The following CNTN1 variants were observed in gnomAD, a reference collection of about 807,000 sequenced individuals.
CNTN1 encodes contactin 1, also known as contactin-1.
Under a neutral mutation model 126.4 loss-of-function variants are expected in CNTN1, and 38 were observed. The ratio of observed to expected loss-of-function variants is 0.30; its 90% CI spans 0.23 to 0.39. The LOEUF is 0.39. Ranked by LOEUF, CNTN1 falls within the 10% of genes least tolerant of loss-of-function variation. The pLI, the probability that CNTN1 is intolerant of heterozygous loss-of-function variation, is 1.00. For synonymous variants in CNTN1, 413 were observed against 422.6 expected, an observed-to-expected ratio of 0.98 and a Z score of 0.28; for missense variants, 1,009 against 1,248.4, an observed-to-expected ratio of 0.81 and a Z score of 2.89.
chr12:40,810,358 T>C (rs73116753), intron 1 of CNTN1, among the ~76,000 whole-genome samples: 3,464 of 152,298 alleles, frequency 0.023, 127 homozygotes, highest in African/African-American at 0.078. Flanking sequence ...ATAGCCATCA[T>C]CTCACATAGC....
chr12:40,771,136 GAATATTCT>G (rs1369390877), intron 1 of CNTN1, among the ~76,000 whole-genome samples: 1 of 151,994 alleles, frequency 6.6e-6, no homozygotes, highest in East Asian at 1.9e-4. Flanking sequence ...GAAACTTTTA[GAATATTCT>G]AATAAGAAAT....
chr12:40,735,967 G>A (rs1222480318), intron 1 of CNTN1, among the ~76,000 whole-genome samples: 2 of 152,024 alleles, frequency 1.3e-5, no homozygotes, highest in African/African-American at 4.8e-5. Flanking sequence ...CATCTTTGCT[G>A]GAAGAGACAT....
intron 1 of CNTN1, among the ~76,000 whole-genome samples, chr12:40,904,250 C>T (rs1479754494): frequency 6.6e-6 from 1 of 152,038 alleles, no homozygotes; most frequent in African/African-American, 2.4e-5. Context: ...AATCTCCTGA[C>T]CTCGTGATCC....
rs1221515339 is a variant in CNTN1 at position 40,918,740 on chromosome 12, A to G, written c.196A>G (p.Arg66Gly). 4 of 1,613,780 alleles carry G rather than the reference A, an allele frequency of 2.5e-6. No homozygotes were observed. The Admixed American group carries it at 5.0e-5, about 20-fold the overall frequency. The part of the protein sequence containing the change: ...SLEGKVSLNC[R>G]ARASPFPVYK... Reference sequence around the variant, plus strand: ...GGAAGGAAAAGTCTCACTCAACTGTAGGGCACGAGCCAGCCCTTTCCCGGT... The same window carrying G: ...GGAAGGAAAAGTCTCACTCAACTGTGGGGCACGAGCCAGCCCTTTCCCGGT... The change falls in exon 4 of 24, where the codon AGG becomes GGG. Residue 66 changes from arginine to glycine, a missense_variant. Coordinates refer to ENST00000551295, the MANE Select transcript of CNTN1 (RefSeq NM_001843.4).
At chr12:40,853,010 G>T in intron 1 of CNTN1, among the ~76,000 whole-genome samples, 1 of 151,546 alleles carries the variant, frequency 6.6e-6, no homozygotes, top group African/African-American at 2.4e-5. Context: ...TTTCTCCATT[G>T]CGTTAACATA....
chr12:40,959,302 TCTG>T lies in CNTN1; in HGVS notation c.1804+69_1804+71del, dbSNP rs951596101. On this transcript the variant is annotated intron_variant, in intron 15 of 23. Transcript: ENST00000551295. ...TGACTTGCATAAACATGTATAATCT[TCTG>T]GTAACTCTGGTGCAAATTCTTACAT... The T allele has an allele frequency of 3.9e-6, 6 of 1,523,898 alleles. No individual in the cohort carries two copies. The Admixed American group carries it at 5.1e-5, about 13-fold the overall frequency. The allele number at this position is 1,523,898 out of a possible 1,614,324, so 94.4% of individuals were successfully genotyped here. A position where few individuals can be genotyped will look rare whatever the true frequency, so the allele number is the denominator to read the frequency against.
At chr12:40,780,486 A>G (rs546542181) in intron 1 of CNTN1, among the ~76,000 whole-genome samples, 2 of 151,988 alleles carry the variant, frequency 1.3e-5, no homozygotes, top group South Asian at 2.1e-4. Context: ...CAGTATTTCA[A>G]TTGATTCCCA....
chr12:41,033,280 AT>A (rs926896295), intron 23 of CNTN1, among the ~76,000 whole-genome samples: 6 of 152,212 alleles, frequency 3.9e-5, no homozygotes, highest in African/African-American at 1.4e-4. Context: ...ATAATTCTAT[AT>A]TATCCTTCAA....
chr12:40,836,290 T>C (rs1482270953), intron 1 of CNTN1, among the ~76,000 whole-genome samples: 1 of 148,606 alleles, frequency 6.7e-6, no homozygotes, highest in Non-Finnish European at 1.5e-5. Flanking sequence ...ATATAACACA[T>C]ATATGTGTAT....
chr12:40,972,128 TGTGGGGGAA>T, intron 15 of CNTN1: 1 of 985,534 alleles, frequency 1.0e-6, no homozygotes, highest in Non-Finnish European at 1.2e-6. Context: ...ATGGATAGCA[TGTGGGGGAA>T]ACCCTCATCT....
chr12:40,859,956 AT>A (rs1943061111), intron 1 of CNTN1, among the ~76,000 whole-genome samples: 2 of 152,136 alleles, frequency 1.3e-5, no homozygotes, highest in Non-Finnish European at 2.9e-5. Context: ...ATAATTATTA[AT>A]CATACTTTTC....
intron 1 of CNTN1, among the ~76,000 whole-genome samples, chr12:40,877,134 A>G (rs1271439993): frequency 6.6e-6 from 1 of 152,190 alleles, no homozygotes; most frequent in South Asian, 2.1e-4. Context: ...AACTGTCACC[A>G]TCTGACAATT....
chr12:40,773,291 TG>T lies in CNTN1; in HGVS notation c.-77+80701del, dbSNP rs1486959136. 1.2e-4 allele frequency among the ~76,000 whole-genome samples: 18 copies of T among 151,950 alleles called. 1 individual carries two copies. The highest frequency in any genetic ancestry group is 4.1e-4 in the African/African-American group (17 of 41,522). ...TAGCCTACTCCTTTTCTGCTCTGAC[TG>T]GCTTGGCACTTTTCGTTTTAGAAAA... is the stretch of plus-strand genomic sequence containing the variant. On this transcript the variant is annotated intron_variant, in intron 1 of 23. Transcript: ENST00000551295.
Position 40,884,113 on chromosome 12 carries a change from C to G in CNTN1, c.-76-24244C>G, listed in dbSNP as rs115639923. On this transcript the variant is annotated intron_variant, in intron 1 of 23. Transcript: ENST00000551295. The stretch of plus-strand genomic sequence containing the variant: ...GGCTAATTGTTGTTATAGGTTTGTT[C>G]TGACACACTGCCATTTAGCAAGTAA... Among the ~76,000 whole-genome samples, 1,347 of 151,610 alleles carry G rather than the reference C, an allele frequency of 8.9e-3. 17 individuals are homozygous for G. The highest frequency in any genetic ancestry group is 0.031 in the African/African-American group (1,280 of 41,488).
At chr12:40,692,722 G>A (rs1941331477) in intron 1 of CNTN1, 130 bp downstream of exon 1, 1 of 153,998 alleles carries the variant, frequency 6.5e-6, no homozygotes, top group Non-Finnish European at 1.4e-5. Flanking sequence ...TGCAGCTCTC[G>A]CCGTGCGGCG....
chr12:40,911,774 C>T (rs190594881), intron 3 of CNTN1, among the ~76,000 whole-genome samples: 1 of 152,126 alleles, frequency 6.6e-6, no homozygotes, highest in Non-Finnish European at 1.5e-5. Flanking sequence ...AACAAGGAGA[C>T]CTTTCCCAGA....
At chr12:40,874,608 T>C (rs566671665) in intron 1 of CNTN1, among the ~76,000 whole-genome samples, 5 of 152,258 alleles carry the variant, frequency 3.3e-5, no homozygotes, top group Non-Finnish European at 5.9e-5. Context: ...TCCATCATAA[T>C]TGACAAATGA....
At chr12:41,011,417 A>T (rs1948649891) in intron 17 of CNTN1, among the ~76,000 whole-genome samples, 1 of 152,206 alleles carries the variant, frequency 6.6e-6, no homozygotes, top group Non-Finnish European at 1.5e-5. Context: ...CAGGCCTTAG[A>T]TGATAAAGAG....
chr12:41,031,940 C>T (rs541260011), intron 23 of CNTN1, among the ~76,000 whole-genome samples: 9 of 152,034 alleles, frequency 5.9e-5, no homozygotes, highest in Non-Finnish European at 1.2e-4. Flanking sequence ...TTAAAAGACT[C>T]TTAGTACTTT....
Sources: gnomAD v4.1 joint callset for allele counts (sites outside exome capture counted in the v4.1 genomes callset) on GRCh38, gnomAD v4.1.1 for gene constraint, MANE v1.5 for transcripts, NCBI Gene and HGNC (gene_info 2026-07-23, HGNC 2026-07-21) for gene names.